SORCS2: variants seen among roughly 807,000 people sequenced by gnomAD.
SORCS2 encodes the protein VPS10 domain-containing receptor SorCS2.
Under a neutral mutation model 141.6 loss-of-function variants are expected in SORCS2, and 100 were observed. The observed-to-expected ratio is 0.71, with a 90% CI of 0.60 to 0.83. SORCS2 has a LOEUF of 0.83. Ranked by LOEUF, SORCS2 falls within the 40% of genes least tolerant of loss-of-function variation. The pLI is 0.00. For synonymous variants in SORCS2, 789 were observed against 676.9 expected, an observed-to-expected ratio of 1.17 and a Z score of -2.57; for missense variants, 1,646 against 1,560.2, an observed-to-expected ratio of 1.05 and a Z score of -0.93.
At chr4:7,424,922 C>T (rs1003021439) in intron 2 of SORCS2, among the ~76,000 whole-genome samples, 2 of 152,250 alleles carry the variant, frequency 1.3e-5, no homozygotes, top group Non-Finnish European at 2.9e-5. Context: ...AGGCACTCTG[C>T]TCCCAGGACA....
intron 18 of SORCS2, among the ~76,000 whole-genome samples, chr4:7,722,960 G>A (rs370639872): frequency 1.1e-3 from 164 of 152,300 alleles, no homozygotes; most frequent in Middle Eastern, 3.4e-3. Context: ...GGAAGGGGAG[G>A]AGAGGAGGAA....
In SORCS2 at chr4:7,638,335, T is replaced by A; in HGVS notation, c.656T>A (p.Leu219His). 6.6e-7 allele frequency: 1 copy of A among 1,505,940 alleles called. No homozygotes were observed. The highest frequency in any genetic ancestry group is 8.8e-7 in the Non-Finnish European group (1 of 1,132,704). 93.3% of individuals were successfully genotyped at this position (1,505,940 alleles called of 1,614,324 possible). The change falls in exon 4 of 27, where the codon CTT becomes CAT. Residue 219 changes from leucine (L) to histidine (H), a missense_variant. Coordinates refer to ENST00000507866, the MANE Select transcript of SORCS2 (RefSeq NM_020777.3). ...ICPTNKRKVI[L>H]VSSSLSDRDQ... Reference sequence around the variant, plus strand: ...ACCCGCTTTGTGTTTCAGGTCATCCTTGTCAGCTCCTCACTCAGTGACCGG... The same window carrying A: ...ACCCGCTTTGTGTTTCAGGTCATCCATGTCAGCTCCTCACTCAGTGACCGG...
chr4:7,531,802 A>C (rs1711680631), intron 3 of SORCS2, among the ~76,000 whole-genome samples, 173 bp downstream of exon 3: 1 of 152,232 alleles, frequency 6.6e-6, no homozygotes, highest in African/African-American at 2.4e-5. Flanking sequence ...ACCTGACACC[A>C]TTCTGTGCTT....
intron 2 of SORCS2, among the ~76,000 whole-genome samples, chr4:7,471,213 G>A (rs1462750039): frequency 1.3e-5 from 2 of 152,172 alleles, no homozygotes; most frequent in African/African-American, 4.8e-5. Context: ...CTTCCCCGCC[G>A]GCCCCGCTTC....
At chr4:7,737,884 C>A (rs1450644017) in intron 26 of SORCS2, among the ~76,000 whole-genome samples, 1 of 152,342 alleles carries the variant, frequency 6.6e-6, no homozygotes, top group Middle Eastern at 3.4e-3. Flanking sequence ...AGATGGCCAG[C>A]AATTAATGCA....
intron 1 of SORCS2, among the ~76,000 whole-genome samples, chr4:7,365,427 C>G (rs1014127802): frequency 1.3e-5 from 2 of 152,068 alleles, no homozygotes; most frequent in African/African-American, 4.8e-5. Context: ...GGGGTGCAGG[C>G]TGAGATGGGG....
chr4:7,649,739 G>A (rs1489703069), intron 4 of SORCS2, among the ~76,000 whole-genome samples: 1 of 152,130 alleles, frequency 6.6e-6, no homozygotes, highest in Admixed American at 6.5e-5. Context: ...CTGAGAGGCA[G>A]GGCTGCACAG....
At chr4:7,255,812 C>G (rs556804550) in intron 1 of SORCS2, among the ~76,000 whole-genome samples, 1 of 151,626 alleles carries the variant, frequency 6.6e-6, no homozygotes, top group Non-Finnish European at 1.5e-5. Context: ...ACTGGAGCCC[C>G]GGGGTTGGAG....
chr4:7,596,007 C>T (rs775185495), intron 3 of SORCS2, among the ~76,000 whole-genome samples: 5 of 152,124 alleles, frequency 3.3e-5, no homozygotes, highest in Admixed American at 6.5e-5. Flanking sequence ...CGGCAACCCG[C>T]GGTTTCTCAT....
intron 1 of SORCS2, among the ~76,000 whole-genome samples, chr4:7,386,520 G>A (rs891158542): frequency 1.1e-5 from 1 of 93,720 alleles, no homozygotes; most frequent in Non-Finnish European, 2.1e-5. Flanking sequence ...CCATACACAT[G>A]CACACATGCA....
intron 3 of SORCS2, among the ~76,000 whole-genome samples, chr4:7,629,730 C>T (rs1461557989): frequency 1.3e-5 from 2 of 152,002 alleles, no homozygotes; most frequent in Non-Finnish European, 2.9e-5. Context: ...GTGCAGATTT[C>T]CTCTCCGAGC....
At chr4:7,490,055 C>T (rs545143348) in intron 2 of SORCS2, among the ~76,000 whole-genome samples, 3 of 152,318 alleles carry the variant, frequency 2.0e-5, no homozygotes, top group South Asian at 2.1e-4. Flanking sequence ...TAAAAGGGCA[C>T]AAGATCACAG....
At chr4:7,240,295 C>T (rs150449702) in intron 1 of SORCS2, among the ~76,000 whole-genome samples, 1 of 152,176 alleles carries the variant, frequency 6.6e-6, no homozygotes, top group African/African-American at 2.4e-5. Context: ...AGCTGAGAAC[C>T]CTGCTGAGCT....
At chr4:7,716,192 G>A (rs1402046015) in intron 17 of SORCS2, among the ~76,000 whole-genome samples, 1 of 152,224 alleles carries the variant, frequency 6.6e-6, no homozygotes, top group African/African-American at 2.4e-5. Flanking sequence ...ATTTTTCAGA[G>A]AGGAAGAGAA....
chr4:7,433,158 G>T, intron 2 of SORCS2: 1 of 727,496 alleles, frequency 1.4e-6, no homozygotes, highest in Non-Finnish European at 2.0e-6. Flanking sequence ...TAAGAGAGAG[G>T]CTTTCGGGAT....
rs1334995348 is a variant in SORCS2 at position 7,538,764 on chromosome 4, C to G, written c.648+7135C>G. Among the ~76,000 whole-genome samples the G allele has an allele frequency of 2.0e-5, 3 of 152,334 alleles. 1 individual carries two copies. Among genetic ancestry groups the G allele is most frequent in the African/African-American group, 7.2e-5 (3 of 41,574 alleles). ...AAATCTCCCTGAGTTCACCTCTTCC[C>G]TCATTCCGCTCACTCGCCCGTGTCT... On this transcript the variant is annotated intron_variant, in intron 3 of 26. Coordinates refer to ENST00000507866, the MANE Select transcript of SORCS2 (RefSeq NM_020777.3).
intron 1 of SORCS2, among the ~76,000 whole-genome samples, chr4:7,199,866 CA>C: frequency 6.6e-6 from 1 of 152,184 alleles, no homozygotes; most frequent in Non-Finnish European, 1.5e-5. Flanking sequence ...TCCCACTCCC[CA>C]AAATCAGTTC....
intron 22 of SORCS2, 124 bp downstream of exon 22, chr4:7,728,586 C>T: frequency 1.5e-6 from 1 of 650,180 alleles, no homozygotes; most frequent in South Asian, 2.0e-5. Context: ...ACACGATGCT[C>T]TGGTCTTCGG....
At chr4:7,690,298 A>C (rs1724148816) in intron 11 of SORCS2, among the ~76,000 whole-genome samples, 1 of 112,740 alleles carries the variant, frequency 8.9e-6, no homozygotes, top group South Asian at 3.2e-4. Flanking sequence ...TGATGGATGG[A>C]TGATGGTGAA....
Sources: allele counts gnomAD v4.1 joint callset (sites outside exome capture counted in the v4.1 genomes callset), GRCh38; gene constraint gnomAD v4.1.1; transcripts MANE v1.5; gene names NCBI Gene and HGNC (gene_info 2026-07-23, HGNC 2026-07-21).